The following SPEG variants were observed in gnomAD, a reference collection of about 807,000 sequenced individuals.
SPEG encodes the protein striated muscle preferentially expressed protein kinase.
A neutral mutation model predicts 300.4 loss-of-function variants in SPEG; 114 were observed. That is an observed-to-expected ratio of 0.38 (90% confidence interval 0.33 to 0.44). SPEG has a LOEUF of 0.44. Among genes scored for constraint, SPEG ranks in the 20% least tolerant of loss-of-function variants. The pLI is 1.00. For missense variants in SPEG, 4,201 were observed against 4,586.2 expected (o/e 0.92, Z 2.43); for synonymous variants, 1,964 against 2,018.9 (o/e 0.97, Z 0.73).
rs755595509 is a variant in SPEG, at chr2:219,492,121, C to T, written c.9472C>T (p.Arg3158Cys). Residue 3158 changes from arginine to cysteine, a missense_variant, in exon 40 of 41, where the codon CGC becomes TGC. Around this residue, in one of 4 missense-constraint regions of SPEG, gnomAD observed 318 missense variants for 429.5 expected, o/e 0.74. Transcript: ENST00000312358. ...GVLTYIMLSG[R>C]SPFYEPDPQE... ...TATCTTCCCCAACAGGCTCAGTGGA[C>T]GCTCCCCGTTCTATGAGCCAGACCC... 7.4e-6 allele frequency: 12 copies of T among 1,611,756 alleles called. No homozygotes were observed. Among genetic ancestry groups the T allele is most frequent in the East Asian group, 6.7e-5 (3 of 44,814 alleles).
chr2:219,489,259 C>T (rs751063550), intron 35 of SPEG, 38 bp downstream of exon 35: 1 of 1,613,116 alleles, frequency 6.2e-7, no homozygotes, highest in East Asian at 2.2e-5. Context: ...AGGAAGGGGG[C>T]TCTGAGCCTA....
At chr2:219,467,001 G>A (rs1274393005) in intron 9 of SPEG, 173 bp from the exon 10 acceptor site, 1 of 1,051,702 alleles carries the variant, frequency 9.5e-7, no homozygotes, top group Admixed American at 3.6e-5. Flanking sequence ...TCAAAGCCAG[G>A]TCTGGGCATG....
chr2:219,476,092 T>C (rs955423484), intron 18 of SPEG, among the ~76,000 whole-genome samples: 1 of 152,118 alleles, frequency 6.6e-6, no homozygotes, highest in African/African-American at 2.4e-5. Flanking sequence ...CACATTGCAA[T>C]GTGTATTTAA....
chr2:219,492,292 T>G, intron 40 of SPEG, 32 bp downstream of exon 40: 1 of 1,598,950 alleles, frequency 6.3e-7, no homozygotes, highest in South Asian at 1.1e-5. Flanking sequence ...TATCCCCCAG[T>G]GTTACCTGCC....
At chr2:219,438,473 C>T (rs1352338444) in intron 1 of SPEG, among the ~76,000 whole-genome samples, 1 of 152,148 alleles carries the variant, frequency 6.6e-6, no homozygotes, top group East Asian at 1.9e-4. Context: ...CATCTTTCTC[C>T]GTCAATATCT....
Position 219,482,782 on chromosome 2 carries a change from A to T in SPEG, c.5566-2A>T. The stretch of plus-strand genomic sequence containing the variant: ...CTCAAGCCCTCTTTCCTGGGTTTGC[A>T]GACTCAGGCAAAGGGCGCAGAGGTG... On this transcript the variant is annotated splice_acceptor_variant, in intron 28 of 40. Transcript: ENST00000312358. LOFTEE classifies it high-confidence loss of function. 1 of 1,613,640 alleles carries T rather than the reference A, an allele frequency of 6.2e-7. No homozygotes were observed. Among genetic ancestry groups the T allele is most frequent in the Non-Finnish European group, 8.5e-7 (1 of 1,179,808 alleles).
Position 219,448,464 on chromosome 2 carries a change from C to G in SPEG, c.1306C>G (p.Leu436Val), listed in dbSNP as rs2125282139. The change falls in exon 4 of 41, where the codon CTG becomes GTG. Residue 436 changes from leucine (L) to valine (V), a missense_variant. Coordinates refer to ENST00000312358, the MANE Select transcript of SPEG (RefSeq NM_005876.5). ...GGTGCCCCTGCGCAAGGCCCGCTCT[C>G]TGGAGCAGCCCAAGTCGGAGCGCGG... is the stretch of plus-strand genomic sequence containing the variant. ...PWVPLRKARS[L>V]EQPKSERGAP... The G allele has an allele frequency of 6.7e-7, 1 of 1,500,826 alleles. No homozygotes were observed. 93.0% of individuals were successfully genotyped at this position (1,500,826 alleles called of 1,614,324 possible).
chr2:219,492,467 T>C, intron 40 of SPEG, 127 bp from the exon 41 acceptor site: 1 of 1,173,928 alleles, frequency 8.5e-7, no homozygotes, highest in Non-Finnish European at 1.2e-6. Flanking sequence ...ACTGAGCTCT[T>C]GAGCTGCCCA....
In SPEG at chr2:219,481,184, T is replaced by A; in HGVS notation, c.5370-120T>A. 1 of 1,100,998 alleles carries A rather than the reference T, an allele frequency of 9.1e-7. No individual in the cohort carries two copies. Among genetic ancestry groups the A allele is most frequent in the Non-Finnish European group, 1.3e-6 (1 of 750,612 alleles). The allele number at this position is 1,100,998 out of a possible 1,614,324, so 68.2% of individuals were successfully genotyped here. On this transcript the variant is annotated intron_variant, in intron 26 of 40. Transcript: ENST00000312358. The surrounding 1 kb of genome is among the most constrained non-coding windows in gnomAD (Gnocchi z 5.4). ...CGCAGCCTCACCTCTTACCCACATT[T>A]GCCCAGCCTCTGTCATCCTCACAAC... is the stretch of plus-strand genomic sequence containing the variant.
intron 18 of SPEG, 146 bp from the exon 19 acceptor site, chr2:219,476,724 T>TG: frequency 7.4e-6 from 3 of 406,370 alleles, no homozygotes; most frequent in South Asian, 2.4e-5. Flanking sequence ...TTGGTGGGGG[T>TG]GGGGGGTGGT....
chr2:219,461,644 G>A (rs746517993), intron 6 of SPEG: 20 of 854,170 alleles, frequency 2.3e-5, no homozygotes, highest in Non-Finnish European at 3.4e-5. Flanking sequence ...TCCCTATGGT[G>A]TCCCCTCCTG....
intron 6 of SPEG, among the ~76,000 whole-genome samples, chr2:219,457,321 A>C (rs1394904877): frequency 5.9e-5 from 9 of 152,014 alleles, no homozygotes; most frequent in African/African-American, 2.2e-4. Context: ...CGTGGCTCAC[A>C]CCTGTAATCC....
chr2:219,462,460 T>A (rs537130587), intron 8 of SPEG, 74 bp downstream of exon 8: 19 of 1,202,362 alleles, frequency 1.6e-5, no homozygotes, highest in Admixed American at 6.5e-5. Flanking sequence ...TGGCTTTGGG[T>A]GGAAGGAAAT....
Position 219,469,213 on chromosome 2 carries a change from G to A in SPEG, c.3549G>A (p.Glu1183=). 1 of 1,613,674 alleles carries A rather than the reference G, an allele frequency of 6.2e-7. No individual in the cohort carries two copies. Residue 1183 remains glutamate, a synonymous_variant, in exon 13 of 41, where the codon GAG becomes GAA. Coordinates refer to ENST00000312358, the MANE Select transcript of SPEG (RefSeq NM_005876.5). ...AGGAGCCAGAGCAGGGTGAGCTGGAGCGGCTGTCCATTCCTGACTTCCTGC... is the reference window on the plus strand; with the variant it reads ...AGGAGCCAGAGCAGGGTGAGCTGGAACGGCTGTCCATTCCTGACTTCCTGC... ...IPEEPEQGEL[E]RLSIPDFLRP... is the part of the protein sequence containing the mutation.
At chr2:219,437,912 G>A (rs916132383) in intron 1 of SPEG, among the ~76,000 whole-genome samples, 1 of 152,160 alleles carries the variant, frequency 6.6e-6, no homozygotes, top group African/African-American at 2.4e-5. Context: ...CAGGGTACTC[G>A]AGGAAGCCAA....
intron 18 of SPEG, chr2:219,474,407 A>T (rs2125499974): frequency 6.4e-6 from 1 of 155,778 alleles, no homozygotes; most frequent in East Asian, 1.9e-4. Context: ...AGATGTATTG[A>T]GCCTAGTATG....
In SPEG at chr2:219,492,908, C is replaced by A; in HGVS notation, c.*122C>A. On this transcript the variant is annotated 3_prime_UTR_variant, in exon 41 of 41. Transcript: ENST00000312358. ...CTTCGGTTACCACCAGCAGCAACAT[C>A]TGGCTGGGCTCTTACCTCATAGACC... is the stretch of plus-strand genomic sequence containing the variant. The A allele has an allele frequency of 9.8e-7, 1 of 1,017,614 alleles. No individual in the cohort carries two copies. Among genetic ancestry groups the A allele is most frequent in the Non-Finnish European group, 1.5e-6 (1 of 675,060 alleles). The allele number at this position is 1,017,614 out of a possible 1,614,324, so 63.0% of individuals were successfully genotyped here. A position where few individuals can be genotyped will look rare whatever the true frequency, so the allele number is the denominator to read the frequency against.
At position 219,451,505 on chromosome 2, in the gene SPEG, G is replaced by A; in HGVS notation, c.2258-120G>A. 1 of 1,199,330 alleles carries A rather than the reference G, an allele frequency of 8.3e-7. No individual in the cohort carries two copies. Among genetic ancestry groups the A allele is most frequent in the Non-Finnish European group, 1.1e-6 (1 of 892,198 alleles). The allele number at this position is 1,199,330 out of a possible 1,614,324, so 74.3% of individuals were successfully genotyped here. ...CCCAAAATGAGGGCGGACTCTTCCA[G>A]ATTCCCTGGGGTGCTGAGAGGAGAG... On this transcript the variant is annotated intron_variant, in intron 5 of 40. Coordinates refer to ENST00000312358, the MANE Select transcript of SPEG (RefSeq NM_005876.5). This position sits in a 1 kb window ranked among gnomAD's most constrained non-coding sequence, Gnocchi z 6.4.
Position 219,484,020 on chromosome 2 carries a change from C to T in SPEG, c.6557C>T (p.Pro2186Leu). 6.2e-7 allele frequency: 1 copy of T among 1,613,374 alleles called. No individual in the cohort carries two copies. The highest frequency in any genetic ancestry group is 2.2e-5 in the East Asian group (1 of 44,850). Residue 2186 changes from proline (P) to leucine (L), a missense_variant, in exon 30 of 41, where the codon CCC becomes CTC. Around this residue, in one of 4 missense-constraint regions of SPEG, gnomAD observed 1,578 missense variants for 1,506.0 expected, o/e 1.05. Coordinates refer to ENST00000312358, the MANE Select transcript of SPEG (RefSeq NM_005876.5). ...SSPARPSAPKPSTPKSAEPSA... is the reference protein window; with the variant it reads ...SSPARPSAPKLSTPKSAEPSA... ...CCTGCACGGCCCAGCGCCCCCAAAC[C>T]CAGTACCCCTAAGTCTGCAGAACCT...
Sources: gnomAD v4.1 joint callset for allele counts (sites outside exome capture counted in the v4.1 genomes callset) on GRCh38, gnomAD v4.1.1 for gene constraint, gnomAD v4.1.1 regional missense constraint, Gnocchi (gnomAD v3.1) non-coding constraint, MANE v1.5 for transcripts, NCBI Gene and HGNC (gene_info 2026-07-23, HGNC 2026-07-21) for gene names.